AACS: variants seen among roughly 807,000 people sequenced by gnomAD.
AACS encodes the protein acetoacetate-CoA ligase.
In AACS, 69 loss-of-function variants were observed where a neutral mutation model predicts 83.1. The ratio of observed to expected loss-of-function variants is 0.83; its 90% CI spans 0.68 to 1.01. The LOEUF is 1.01. Among genes scored for constraint, AACS ranks in the 50% least tolerant of loss-of-function variants. The pLI, the probability that AACS is intolerant of heterozygous loss-of-function variation, is 0.00. For missense variants in AACS, 866 were observed against 882.2 expected, an observed-to-expected ratio of 0.98 and a Z score of 0.23; for synonymous variants, 333 against 343.4, an observed-to-expected ratio of 0.97 and a Z score of 0.33.
At position 125,097,323 on chromosome 12, in the gene AACS, G is replaced by T. The variant is rs547850408; in HGVS notation, c.571-5356G>T. 3.9e-5 allele frequency among the ~76,000 whole-genome samples: 6 copies of T among 152,230 alleles called. No homozygotes were observed. The highest frequency in any genetic ancestry group is 1.3e-4 in the Admixed American group (2 of 15,302). ...ACCCTTGAAATGGAGGAGGGAGGAG[G>T]TGGACGGTGACCGAAGGCCTGATGT... is the stretch of plus-strand genomic sequence containing the variant. On this transcript the variant is annotated intron_variant, in intron 5 of 17. Transcript: ENST00000316519. This position sits in a 1 kb window ranked among gnomAD's most constrained non-coding sequence, Gnocchi z 4.3.
intron 8 of AACS, 30 bp downstream of exon 8, chr12:125,107,298 C>G (rs2297478): frequency 1.2e-6 from 2 of 1,604,980 alleles, no homozygotes; most frequent in African/African-American, 2.7e-5. Flanking sequence ...TCTGCAGGGC[C>G]TCCTGTTGTC....
intron 3 of AACS, among the ~76,000 whole-genome samples, chr12:125,079,457 C>G (rs1287153203): frequency 1.3e-5 from 2 of 152,194 alleles, no homozygotes; most frequent in Admixed American, 1.3e-4. Context: ...TCGTGGCTCA[C>G]TGCAGCCTCG....
At chr12:125,085,523 C>T (rs752958657) in intron 3 of AACS, among the ~76,000 whole-genome samples, 4 of 152,388 alleles carry the variant, frequency 2.6e-5, no homozygotes, top group Admixed American at 6.5e-5. Context: ...CATGGAACCA[C>T]GTACGTGCAC....
chr12:125,068,452 C>T (rs1955764061), intron 1 of AACS, among the ~76,000 whole-genome samples: 2 of 152,178 alleles, frequency 1.3e-5, no homozygotes, highest in Non-Finnish European at 2.9e-5. Context: ...GAGTAAGACT[C>T]TGTCTCAAAT....
chr12:125,134,922 G>C (rs1957381216), intron 16 of AACS, 70 bp downstream of exon 16: 1 of 1,576,550 alleles, frequency 6.3e-7, no homozygotes, highest in African/African-American at 1.3e-5. Context: ...GGAGCCCCAG[G>C]AGCCCCACCT....
At chr12:125,103,814 C>T (rs7308805) in intron 7 of AACS, among the ~76,000 whole-genome samples, 4,950 of 151,698 alleles carry the variant, frequency 0.033, 170 homozygotes, top group East Asian at 0.094. Context: ...CGGTGAAACC[C>T]TGTCTCTACT....
intron 15 of AACS, among the ~76,000 whole-genome samples, chr12:125,134,485 C>T (rs552102335): frequency 1.9e-4 from 29 of 152,258 alleles, no homozygotes; most frequent in African/African-American, 5.3e-4. Flanking sequence ...ATGGGGTTCT[C>T]GGGTAGGGAG....
rs976460433 is a variant in AACS, at chr12:125,113,593, A to G, written c.916-884A>G. Among the ~76,000 whole-genome samples the G allele has an allele frequency of 5.3e-5, 8 of 152,180 alleles. No individual in the cohort carries two copies. Among genetic ancestry groups the G allele is most frequent in the African/African-American group, 1.9e-4 (8 of 41,446 alleles). On this transcript the variant is annotated intron_variant, in intron 8 of 17. Coordinates refer to ENST00000316519, the MANE Select transcript of AACS (RefSeq NM_023928.5). This position sits in a 1 kb window ranked among gnomAD's most constrained non-coding sequence, Gnocchi z 4.8. ...TGTGTTCTGGGCAGTGGAAGATTAT[A>G]TAGTTGTAAACAGACATGAGGGAGC...
chr12:125,135,137 CT>C (rs746998324), intron 16 of AACS, among the ~76,000 whole-genome samples: 475 of 144,166 alleles, frequency 3.3e-3, no homozygotes, highest in Middle Eastern at 3.6e-3. Context: ...TCTATCTACT[CT>C]TTTTTTTTTT....
intron 10 of AACS, chr12:125,121,474 T>C (rs1161369639): frequency 6.6e-6 from 1 of 152,234 alleles, no homozygotes. Flanking sequence ...AAATGAGGGG[T>C]GAGATCTCTG....
intron 3 of AACS, among the ~76,000 whole-genome samples, chr12:125,082,368 G>A (rs1263195603): frequency 2.0e-5 from 3 of 149,150 alleles, no homozygotes; most frequent in Non-Finnish European, 4.5e-5. Context: ...AAGAGATGGG[G>A]TCTCCCCATA....
chr12:125,132,330 G>A (rs1957339960), intron 14 of AACS, among the ~76,000 whole-genome samples: 1 of 152,212 alleles, frequency 6.6e-6, no homozygotes, highest in South Asian at 2.1e-4. Flanking sequence ...TTAGGGCACA[G>A]TACTGCAGAT....
chr12:125,106,098 C>T (rs553443316), intron 7 of AACS, among the ~76,000 whole-genome samples: 1 of 152,326 alleles, frequency 6.6e-6, no homozygotes, highest in East Asian at 1.9e-4. Context: ...CAAAATTCTT[C>T]ATTTTAGTCT....
At chr12:125,108,477 A>G (rs1195324985) in intron 8 of AACS, among the ~76,000 whole-genome samples, 2 of 152,164 alleles carry the variant, frequency 1.3e-5, no homozygotes, top group Admixed American at 1.3e-4. Context: ...ATTTAGTCAC[A>G]TTCTGAGATA....
chr12:125,068,884 G>C (rs1486066619), intron 1 of AACS, among the ~76,000 whole-genome samples: 1 of 151,294 alleles, frequency 6.6e-6, no homozygotes, highest in Non-Finnish European at 1.5e-5. Flanking sequence ...CTGTCACCCA[G>C]GCTGGAGTGT....
At chr12:125,103,148 C>A in intron 7 of AACS, 67 bp downstream of exon 7, 1 of 1,376,738 alleles carries the variant, frequency 7.3e-7, no homozygotes, top group Non-Finnish European at 1.0e-6. Flanking sequence ...GGAAGTAGGC[C>A]TCTGGATCTT....
At chr12:125,071,738 G>A (rs190901911) in intron 1 of AACS, among the ~76,000 whole-genome samples, 33 of 152,274 alleles carry the variant, frequency 2.2e-4, no homozygotes, top group Admixed American at 7.9e-4. Context: ...TTTTGCTGTC[G>A]TCTCCCAGGG....
At position 125,073,932 on chromosome 12, in the gene AACS, G is replaced by A. The variant is rs771455028; in HGVS notation, c.190G>A (p.Glu64Lys). The A allele has an allele frequency of 1.9e-6, 3 of 1,614,170 alleles. No homozygotes were observed. In the Admixed American group the frequency reaches 5.0e-5, roughly 27 times the overall value. The change falls in exon 2 of 18, where the codon GAG (glutamate) becomes AAG (lysine). Residue 64 changes from glutamate (E) to lysine (K), a missense_variant. Coordinates refer to ENST00000316519, the MANE Select transcript of AACS (RefSeq NM_023928.5). ...TGAGTCATATTCAGACTTCTGGGCA[G>A]AGTTCTGGAAATTCAGTGGAATTGT... ...SVESYSDFWA[E>K]FWKFSGIVFS...
rs1314351291 is a variant in AACS at position 125,074,380 on chromosome 12, T to C, written c.237+401T>C. Among the ~76,000 whole-genome samples the C allele has an allele frequency of 2.0e-5, 3 of 151,986 alleles. No homozygotes were observed. In the East Asian group the frequency reaches 5.8e-4, roughly 30 times the overall value. ...CAGGCTAGGCAACATAGCAAGACCC[T>C]GTCTTCAAAAAAATAAATTAGCTGG... On this transcript the variant is annotated intron_variant, in intron 2 of 17. Transcript: ENST00000316519.
Sources: gnomAD v4.1 joint callset for allele counts (sites outside exome capture counted in the v4.1 genomes callset) on GRCh38, gnomAD v4.1.1 for gene constraint, Gnocchi (gnomAD v3.1) non-coding constraint, MANE v1.5 for transcripts, NCBI Gene and HGNC (gene_info 2026-07-23, HGNC 2026-07-21) for gene names.